The following ITFG1 variants were observed in gnomAD, a reference collection of about 807,000 sequenced individuals.
ITFG1 encodes T-cell immunomodulatory protein.
A neutral mutation model predicts 81.8 loss-of-function variants in ITFG1; 34 were observed. The ratio of observed to expected loss-of-function variants is 0.42; its 90% CI spans 0.32 to 0.55. The LOEUF is 0.55. Ranked by LOEUF, ITFG1 falls within the 20% of genes least tolerant of loss-of-function variation. ITFG1 has a pLI of 0.17. For synonymous variants in ITFG1, 285 were observed against 270.6 expected, an observed-to-expected ratio of 1.05 and a Z score of -0.52; for missense variants, 672 against 755.4, an observed-to-expected ratio of 0.89 and a Z score of 1.29.
chr16:47,339,651 G>C (rs1172240671), intron 8 of ITFG1, among the ~76,000 whole-genome samples: 1 of 151,924 alleles, frequency 6.6e-6, no homozygotes, highest in Non-Finnish European at 1.5e-5. Flanking sequence ...CTTGAAAATA[G>C]GACAAATGAC....
At chr16:47,329,119 T>C (rs1388003265) in intron 8 of ITFG1, among the ~76,000 whole-genome samples, 4 of 152,176 alleles carry the variant, frequency 2.6e-5, no homozygotes, top group Non-Finnish European at 5.9e-5. Flanking sequence ...AGTAATATCA[T>C]TGTAAAATGA....
At chr16:47,389,351 G>A (rs1342688127) in intron 6 of ITFG1, among the ~76,000 whole-genome samples, 1 of 151,982 alleles carries the variant, frequency 6.6e-6, no homozygotes, top group Non-Finnish European at 1.5e-5. Flanking sequence ...AAAACAATAT[G>A]TATATAATTG....
chr16:47,375,680 G>A (rs1231676536), intron 7 of ITFG1, among the ~76,000 whole-genome samples, 196 bp downstream of exon 7: 2 of 152,234 alleles, frequency 1.3e-5, no homozygotes, highest in African/African-American at 2.4e-5. Context: ...AAAACCTGCA[G>A]AGTAACTGAT....
At chr16:47,201,214 T>C (rs1207340634) in intron 14 of ITFG1, among the ~76,000 whole-genome samples, 3 of 151,538 alleles carry the variant, frequency 2.0e-5, no homozygotes, top group Admixed American at 2.0e-4. Flanking sequence ...AGAATTTTTT[T>C]TTTTTTTTTT....
At chr16:47,416,666 C>T (rs1456384444) in intron 6 of ITFG1, among the ~76,000 whole-genome samples, 1 of 152,090 alleles carries the variant, frequency 6.6e-6, no homozygotes. Context: ...GCATTCCCCC[C>T]TCTCTCTCTG....
At chr16:47,433,849 A>G (rs1446657757) in intron 5 of ITFG1, among the ~76,000 whole-genome samples, 1 of 126,444 alleles carries the variant, frequency 7.9e-6, no homozygotes, top group Non-Finnish European at 1.7e-5. Flanking sequence ...GTGAATAAAT[A>G]AAAACTGAAT....
chr16:47,267,937 A>G (rs779919942), intron 10 of ITFG1, among the ~76,000 whole-genome samples: 2 of 152,124 alleles, frequency 1.3e-5, no homozygotes, highest in Non-Finnish European at 2.9e-5. Flanking sequence ...GTAGAAAAGA[A>G]GAAAAGTCTC....
intron 8 of ITFG1, among the ~76,000 whole-genome samples, chr16:47,314,265 A>C (rs1967316542): frequency 6.6e-6 from 1 of 152,248 alleles, no homozygotes; most frequent in African/African-American, 2.4e-5. Flanking sequence ...CAATTTTTAA[A>C]AATGTAGCTT....
chr16:47,200,973 T>C (rs1383653698), intron 14 of ITFG1, among the ~76,000 whole-genome samples: 1 of 152,198 alleles, frequency 6.6e-6, no homozygotes, highest in Non-Finnish European at 1.5e-5. Context: ...TTCCCAATAA[T>C]ATGTTTTAAA....
At chr16:47,222,297 C>A (rs1302384179) in intron 13 of ITFG1, among the ~76,000 whole-genome samples, 1 of 151,224 alleles carries the variant, frequency 6.6e-6, no homozygotes, top group Admixed American at 6.6e-5. Flanking sequence ...TCTTTGTTCT[C>A]GTTGGTTTCA....
intron 11 of ITFG1, among the ~76,000 whole-genome samples, chr16:47,259,947 T>C (rs1304417721): frequency 1.3e-5 from 2 of 151,568 alleles, no homozygotes; most frequent in African/African-American, 2.4e-5. Flanking sequence ...ATTTTTTTTT[T>C]TTTTTTTTTG....
chr16:47,370,762 G>A lies in ITFG1; in HGVS notation c.721-4893C>T, dbSNP rs148621886. Reference sequence around the variant, plus strand: ...GGTGTGAGATTAGGACTGGTAGTGCGAGCCAAACACAGCCTGCCGGGTCGA... The same window carrying A: ...GGTGTGAGATTAGGACTGGTAGTGCAAGCCAAACACAGCCTGCCGGGTCGA... On this transcript the variant is annotated intron_variant, in intron 7 of 17. Transcript: ENST00000320640. Among the ~76,000 whole-genome samples the A allele has an allele frequency of 1.7e-3, 260 of 152,304 alleles. 2 individuals carry two copies. The highest frequency in any genetic ancestry group is 2.7e-3 in the Non-Finnish European group (185 of 68,026).
intron 8 of ITFG1, among the ~76,000 whole-genome samples, chr16:47,360,788 T>A (rs1968099145): frequency 6.6e-6 from 1 of 152,160 alleles, no homozygotes. Context: ...CACCTAGCCA[T>A]AAAACAAAGG....
At chr16:47,344,350 A>G (rs1026850575) in intron 8 of ITFG1, among the ~76,000 whole-genome samples, 5 of 152,210 alleles carry the variant, frequency 3.3e-5, no homozygotes, top group Non-Finnish European at 7.4e-5. Flanking sequence ...GAGACTGACT[A>G]TATGTGGGCA....
At chr16:47,433,389 C>A (rs892478093) in intron 5 of ITFG1, among the ~76,000 whole-genome samples, 2 of 152,160 alleles carry the variant, frequency 1.3e-5, no homozygotes, top group Non-Finnish European at 2.9e-5. Flanking sequence ...GAAGGTCTGG[C>A]AACCAACTGG....
chr16:47,252,599 C>T (rs1966090132), intron 12 of ITFG1, among the ~76,000 whole-genome samples: 1 of 152,176 alleles, frequency 6.6e-6, no homozygotes, highest in African/African-American at 2.4e-5. Context: ...GGGGACCCCA[C>T]AATTCTGTAA....
intron 14 of ITFG1, among the ~76,000 whole-genome samples, chr16:47,215,323 G>T (rs1434220412): frequency 6.6e-6 from 1 of 152,110 alleles, no homozygotes; most frequent in Non-Finnish European, 1.5e-5. Context: ...TTGGGGCAGG[G>T]TTTCATGATG....
chr16:47,333,284 A>C (rs933261727), intron 8 of ITFG1, among the ~76,000 whole-genome samples: 2 of 152,296 alleles, frequency 1.3e-5, no homozygotes, highest in East Asian at 1.9e-4. Flanking sequence ...TAATCACCCA[A>C]GGAAAAAGCC....
rs372432637 is a variant in ITFG1, at chr16:47,426,632, T to C, written c.655+2172A>G. Among the ~76,000 whole-genome samples, 18 of 151,744 alleles carry C rather than the reference T, an allele frequency of 1.2e-4. No homozygotes were observed. In the East Asian group the frequency reaches 3.3e-3, roughly 28 times the overall value. Reference sequence around the variant, plus strand: ...TGAAGTACCTAGAATCTTAGATTCATAAAAAATTTACTAGATAAAAGGTTA... The same window carrying C: ...TGAAGTACCTAGAATCTTAGATTCACAAAAAATTTACTAGATAAAAGGTTA... On this transcript the variant is annotated intron_variant, in intron 6 of 17. Coordinates refer to ENST00000320640, the MANE Select transcript of ITFG1 (RefSeq NM_030790.5).
Sources: allele counts gnomAD v4.1 joint callset (sites outside exome capture counted in the v4.1 genomes callset), GRCh38; gene constraint gnomAD v4.1.1; transcripts MANE v1.5; gene names NCBI Gene and HGNC (gene_info 2026-07-23, HGNC 2026-07-21).